The following TRAPPC9 variants were observed in gnomAD, a reference collection of about 807,000 sequenced individuals.
TRAPPC9 encodes the protein trafficking protein particle complex subunit 9, also known as IKK2 binding protein.
A neutral mutation model predicts 124.0 loss-of-function variants in TRAPPC9; 83 were observed. That is an observed-to-expected ratio of 0.67 (90% CI 0.56 to 0.80). The LOEUF (loss-of-function observed/expected upper bound fraction) is 0.80. TRAPPC9 is among the 30% of genes least tolerant of loss of function. The pLI, the probability that TRAPPC9 is intolerant of heterozygous loss-of-function variation, is 0.00. For missense variants in TRAPPC9, 1,302 were observed against 1,508.3 expected (o/e 0.86, Z 2.27); for synonymous variants, 638 against 617.5 (o/e 1.03, Z -0.49).
In TRAPPC9 at chr8:140,346,933, C is replaced by T. The variant is rs147838623; in HGVS notation, c.1495+13117G>A. 5.1e-3 allele frequency among the ~76,000 whole-genome samples: 783 copies of T among 152,092 alleles called. 7 individuals are homozygous for T. Among genetic ancestry groups the T allele is most frequent in the African/African-American group, 0.018 (737 of 41,356 alleles). Reference sequence around the variant, plus strand: ...GTTGGAATGACACTTCCCAGCCCCTCGCTGTGAAGCTGAGTCAGCACATGG... The same window carrying T: ...GTTGGAATGACACTTCCCAGCCCCTTGCTGTGAAGCTGAGTCAGCACATGG... On this transcript the variant is annotated intron_variant, in intron 9 of 22. Transcript: ENST00000438773.
chr8:140,408,895 C>G lies in TRAPPC9; in HGVS notation c.887-3197G>C, dbSNP rs552353241. Among the ~76,000 whole-genome samples, 4 of 151,150 alleles carry G rather than the reference C, an allele frequency of 2.6e-5. No homozygotes were observed. The South Asian group carries it at 8.4e-4, about 32-fold the overall frequency. On this transcript the variant is annotated intron_variant, in intron 5 of 22. Coordinates refer to ENST00000438773, the MANE Select transcript of TRAPPC9 (RefSeq NM_001160372.4). ...GAGATCTGAATGTAAAACAGAAAAC[C>G]ATAGTTCAAAAAACACAGGTAAATT...
intron 21 of TRAPPC9, among the ~76,000 whole-genome samples, chr8:139,830,977 T>G (rs763565972): frequency 5.3e-5 from 8 of 152,264 alleles, no homozygotes; most frequent in Non-Finnish European, 7.3e-5. Context: ...ACATTTACCC[T>G]GCACACAGCC....
chr8:140,107,339 G>A (rs559399943), intron 17 of TRAPPC9, among the ~76,000 whole-genome samples: 158 of 152,210 alleles, frequency 1.0e-3, no homozygotes, highest in African/African-American at 3.5e-3. Context: ...TTGTTTATTC[G>A]CTTACTAAGT....
intron 22 of TRAPPC9, 97 bp downstream of exon 22, chr8:139,731,882 T>C: frequency 1.8e-6 from 2 of 1,141,678 alleles, no homozygotes; most frequent in Admixed American, 2.0e-5. Flanking sequence ...TATCGTCTGC[T>C]GGACATATGC....
At chr8:140,374,747 G>A (rs1016010540) in intron 7 of TRAPPC9, among the ~76,000 whole-genome samples, 1 of 152,142 alleles carries the variant, frequency 6.6e-6, no homozygotes, top group Admixed American at 6.5e-5. Flanking sequence ...CTTAGCCAGT[G>A]CCTGTAAAGA....
At chr8:139,910,871 A>G (rs1257961814) in intron 19 of TRAPPC9, among the ~76,000 whole-genome samples, 1 of 151,990 alleles carries the variant, frequency 6.6e-6, no homozygotes, top group Non-Finnish European at 1.5e-5. Context: ...CTTGTTTTTG[A>G]TTTTACAGGT....
chr8:139,948,168 A>C (rs1044188699), intron 19 of TRAPPC9, among the ~76,000 whole-genome samples: 3 of 151,416 alleles, frequency 2.0e-5, no homozygotes, highest in African/African-American at 7.3e-5. Context: ...TGTACCAGGC[A>C]CTGTTTTAGA....
intron 21 of TRAPPC9, among the ~76,000 whole-genome samples, chr8:139,808,953 T>G (rs1331528179): frequency 1.3e-5 from 2 of 152,204 alleles, no homozygotes; most frequent in African/African-American, 2.4e-5. Flanking sequence ...AAGTTTTGTG[T>G]GGATGTATGT....
intron 21 of TRAPPC9, among the ~76,000 whole-genome samples, chr8:139,798,766 A>G (rs1823271764): frequency 6.6e-6 from 1 of 152,230 alleles, no homozygotes; most frequent in Non-Finnish European, 1.5e-5. Flanking sequence ...ATACTCTTGC[A>G]TCAGTTCCTG....
In TRAPPC9 at chr8:140,439,070, C is replaced by T; in HGVS notation, c.712G>A (p.Asp238Asn). Residue 238 changes from aspartate (D) to asparagine (N), a missense_variant, in exon 3 of 23, where the codon GAC becomes AAC. By Grantham distance (23) the Asp-to-Asn change is conservative (BLOSUM62 1). Around this residue, in one of 3 missense-constraint regions of TRAPPC9, gnomAD observed 657 missense variants for 811.2 expected, o/e 0.81. Transcript: ENST00000438773. ...ATCTTACCTCCAAGCCACAGAAAGT[C>T]ATTCACAGAACGCAGCAGCTCCACC... ...MSVELLRSVN[D>N]FLWLGAALEG... The T allele has an allele frequency of 6.2e-7, 1 of 1,614,184 alleles. No homozygotes were observed. The highest frequency in any genetic ancestry group is 1.7e-5 in the Admixed American group (1 of 60,020).
intron 19 of TRAPPC9, among the ~76,000 whole-genome samples, chr8:139,971,804 CAT>C (rs1340223507): frequency 9.1e-4 from 2 of 2,200 alleles, no homozygotes; most frequent in Non-Finnish European, 2.6e-3. Flanking sequence ...TATATATATA[CAT>C]ATATATATAT....
intron 21 of TRAPPC9, among the ~76,000 whole-genome samples, chr8:139,835,479 G>A (rs1014549225): frequency 3.3e-5 from 5 of 152,220 alleles, no homozygotes; most frequent in African/African-American, 4.8e-5. Flanking sequence ...CGTGCTGTGC[G>A]TGGATGCACG....
At chr8:139,772,880 A>G (rs894365056) in intron 21 of TRAPPC9, among the ~76,000 whole-genome samples, 2 of 152,276 alleles carry the variant, frequency 1.3e-5, no homozygotes, top group Admixed American at 1.3e-4. Context: ...GGAAGAAGGC[A>G]GCCGTCTACA....
At chr8:139,879,431 C>T (rs1022600296) in intron 21 of TRAPPC9, among the ~76,000 whole-genome samples, 1 of 152,212 alleles carries the variant, frequency 6.6e-6, no homozygotes, top group Non-Finnish European at 1.5e-5. Context: ...TCACCCTCTT[C>T]TCATGCACCA....
At chr8:140,015,652 A>AAT (rs895422122) in intron 18 of TRAPPC9, among the ~76,000 whole-genome samples, 1 of 151,134 alleles carries the variant, frequency 6.6e-6, no homozygotes, top group Non-Finnish European at 1.5e-5. Context: ...TAAAAATAAA[A>AAT]AAAAAATAAG....
At chr8:140,115,270 GT>G (rs35832271) in intron 17 of TRAPPC9, among the ~76,000 whole-genome samples, 2,647 of 142,398 alleles carry the variant, frequency 0.019, 34 homozygotes, top group African/African-American at 0.043. Context: ...TGTTATAATG[GT>G]TTTTTTTTTT....
chr8:139,910,019 C>T (rs1831615188), intron 20 of TRAPPC9, 128 bp downstream of exon 20: 2 of 1,112,780 alleles, frequency 1.8e-6, no homozygotes, highest in Non-Finnish European at 2.6e-6. Context: ...TCCACATCTC[C>T]TTGCCACAGC....
In TRAPPC9 at chr8:140,241,486, A is replaced by G. The variant is rs1224176892; in HGVS notation, c.2431+11291T>C. 2.0e-5 allele frequency among the ~76,000 whole-genome samples: 3 copies of G among 150,714 alleles called. No homozygotes were observed. Among genetic ancestry groups the G allele is most frequent in the Admixed American group, 6.6e-5 (1 of 15,160 alleles). On this transcript the variant is annotated intron_variant, in intron 16 of 22. Transcript: ENST00000438773. The surrounding 1 kb of genome is among the most constrained non-coding windows in gnomAD (Gnocchi z 5.0). ...CTGAGGTGGGTGAATCATGAGGTGA[A>G]GGGATCAAGACTATCCTGGCCAACA...
chr8:140,275,806 C>T lies in TRAPPC9; in HGVS notation c.2130G>A (p.Leu710=), dbSNP rs61756212. 2 of 1,612,866 alleles carry T rather than the reference C, an allele frequency of 1.2e-6. No homozygotes were observed. Among genetic ancestry groups the T allele is most frequent in the Admixed American group, 1.7e-5 (1 of 60,024 alleles). The change falls in exon 15 of 23, where the codon TTG becomes TTA. Residue 710 remains leucine (L), a synonymous_variant. Coordinates refer to ENST00000438773, the MANE Select transcript of TRAPPC9 (RefSeq NM_001160372.4). ...STSLPRSAHS[L]QPSSGDEIST... is the part of the protein sequence containing the mutation. ...ATATTTCATCACCAGAAGAAGGTTG[C>T]AATGAATGTGCAGATCTAAAATAAG...
Sources: allele counts gnomAD v4.1 joint callset (sites outside exome capture counted in the v4.1 genomes callset), GRCh38; gene constraint gnomAD v4.1.1; regional missense constraint gnomAD v4.1.1; non-coding constraint Gnocchi (gnomAD v3.1); transcripts MANE v1.5; gene names NCBI Gene and HGNC (gene_info 2026-07-23, HGNC 2026-07-21).